The following ANK3 variants were observed in gnomAD, a reference collection of about 807,000 sequenced individuals.
The protein encoded by ANK3 is ankyrin 3, also known as ankyrin-3.
ANK3 carries 57 observed loss-of-function variants against 370.9 expected under a neutral mutation model. The ratio of observed to expected loss-of-function variants is 0.15; its 90% CI spans 0.12 to 0.19. The LOEUF (loss-of-function observed/expected upper bound fraction) is 0.19. ANK3 is among the 10% of genes least tolerant of loss of function. The pLI is 1.00. For synonymous variants in ANK3, 1,929 were observed against 1,946.3 expected, an observed-to-expected ratio of 0.99 and a Z score of 0.23; for missense variants, 4,439 against 5,302.1, an observed-to-expected ratio of 0.84 and a Z score of 5.06.
At chr10:60,718,729 A>T (rs989694750) in intron 1 of ANK3, among the ~76,000 whole-genome samples, 9 of 152,110 alleles carry the variant, frequency 5.9e-5, no homozygotes, top group African/African-American at 1.2e-4. Context: ...ACTTAAAAAA[A>T]TTTTTTTTAT....
chr10:60,449,084 T>C (rs539692464), intron 2 of ANK3, among the ~76,000 whole-genome samples: 1 of 152,174 alleles, frequency 6.6e-6, no homozygotes, highest in African/African-American at 2.4e-5. Flanking sequence ...CTTGGCCCTA[T>C]GCTAAAATAA....
intron 2 of ANK3, among the ~76,000 whole-genome samples, chr10:60,508,794 C>T (rs1209559268): frequency 6.6e-6 from 1 of 152,072 alleles, no homozygotes; most frequent in Non-Finnish European, 1.5e-5. Flanking sequence ...AGGTCCCTTC[C>T]CCCACCTACA....
chr10:60,376,375 C>T (rs371484168), intron 1 of ANK3, among the ~76,000 whole-genome samples: 3 of 152,294 alleles, frequency 2.0e-5, no homozygotes, highest in African/African-American at 7.2e-5. Context: ...TTTCCTGTGC[C>T]ACAACAGAAT....
chr10:60,103,791 C>T (rs560085082), intron 28 of ANK3, among the ~76,000 whole-genome samples: 1 of 152,232 alleles, frequency 6.6e-6, no homozygotes, highest in East Asian at 1.9e-4. Context: ...CAAAGTTTAT[C>T]TGGTCTTTAA....
At chr10:60,443,319 A>C (rs898362845) in intron 2 of ANK3, among the ~76,000 whole-genome samples, 1 of 151,958 alleles carries the variant, frequency 6.6e-6, no homozygotes, top group African/African-American at 2.4e-5. Flanking sequence ...GTGTGTATTA[A>C]GAGTAGGGCT....
intron 26 of ANK3, among the ~76,000 whole-genome samples, chr10:60,109,554 T>G (rs183266518): frequency 6.6e-6 from 1 of 152,312 alleles, no homozygotes; most frequent in South Asian, 2.1e-4. Context: ...ATTTTTACTA[T>G]GATGAAGCAG....
chr10:60,697,237 C>G (rs1249551565), intron 1 of ANK3, among the ~76,000 whole-genome samples: 2 of 149,532 alleles, frequency 1.3e-5, no homozygotes, highest in African/African-American at 4.9e-5. Flanking sequence ...CAAACCACTG[C>G]TCAAGGAAAT....
chr10:60,555,812 T>A (rs900829931), intron 2 of ANK3, among the ~76,000 whole-genome samples: 2 of 152,196 alleles, frequency 1.3e-5, no homozygotes, highest in Non-Finnish European at 2.9e-5. Context: ...GGGTCCCTGA[T>A]ATGTGGGAAT....
chr10:60,082,064 A>T, intron 35 of ANK3, 86 bp downstream of exon 35: 1 of 1,033,148 alleles, frequency 9.7e-7, no homozygotes, highest in Non-Finnish European at 1.4e-6. Context: ...TATGTTTCCC[A>T]CACTTTAGCC....
chr10:60,497,137 A>G (rs1231018816), intron 2 of ANK3, among the ~76,000 whole-genome samples: 2 of 152,032 alleles, frequency 1.3e-5, no homozygotes, highest in East Asian at 3.9e-4. Flanking sequence ...TGCTGTCACT[A>G]TAAAGAAATT....
At chr10:60,132,331 C>T (rs531759331) in intron 25 of ANK3, among the ~76,000 whole-genome samples, 1 of 152,162 alleles carries the variant, frequency 6.6e-6, no homozygotes, top group Admixed American at 6.5e-5. Flanking sequence ...GTGGGAGGGA[C>T]CTGGTGGGAG....
At chr10:60,614,999 G>A (rs981516800) in intron 2 of ANK3, among the ~76,000 whole-genome samples, 3 of 152,024 alleles carry the variant, frequency 2.0e-5, no homozygotes, top group Admixed American at 1.3e-4. Flanking sequence ...TGCTCCACTA[G>A]GCGAGAGTAT....
chr10:60,038,855 A>T (rs1219188464), intron 43 of ANK3, among the ~76,000 whole-genome samples: 1 of 151,922 alleles, frequency 6.6e-6, no homozygotes, highest in Non-Finnish European at 1.5e-5. Flanking sequence ...GCCTTTTCCC[A>T]CCTCAGGGTG....
intron 2 of ANK3, among the ~76,000 whole-genome samples, chr10:60,551,132 C>A (rs1258659079): frequency 1.3e-5 from 2 of 151,942 alleles, no homozygotes; most frequent in South Asian, 4.1e-4. Flanking sequence ...CTTGCTTTTT[C>A]AATATAACAG....
chr10:60,345,470 T>A (rs956235883), intron 1 of ANK3, among the ~76,000 whole-genome samples: 4 of 152,190 alleles, frequency 2.6e-5, no homozygotes, highest in African/African-American at 9.6e-5. Context: ...AATTTTCCCT[T>A]TCCTGTTTGA....
At chr10:60,339,817 C>T (rs1057392179) in intron 1 of ANK3, among the ~76,000 whole-genome samples, 2 of 152,148 alleles carry the variant, frequency 1.3e-5, no homozygotes, top group Non-Finnish European at 2.9e-5. Context: ...GCAGCAGTAG[C>T]GGTACTAACT....
chr10:60,596,736 G>T (rs2077993096), intron 2 of ANK3, among the ~76,000 whole-genome samples: 1 of 152,052 alleles, frequency 6.6e-6, no homozygotes, highest in Non-Finnish European at 1.5e-5. Flanking sequence ...TCATATCAGG[G>T]AATCCACTGA....
At chr10:60,528,103 T>C (rs954968775) in intron 2 of ANK3, among the ~76,000 whole-genome samples, 2 of 150,830 alleles carry the variant, frequency 1.3e-5, no homozygotes, top group Non-Finnish European at 3.0e-5. Context: ...TTTATAAAAG[T>C]CAATGTTTTT....
intron 1 of ANK3, among the ~76,000 whole-genome samples, chr10:60,335,986 T>C (rs746488678): frequency 6.6e-6 from 1 of 152,122 alleles, no homozygotes; most frequent in Non-Finnish European, 1.5e-5. Flanking sequence ...AAGTGCCCAC[T>C]ATAATTCAGA....
Sources: gnomAD v4.1 joint callset for allele counts (sites outside exome capture counted in the v4.1 genomes callset) on GRCh38, gnomAD v4.1.1 for gene constraint, MANE v1.5 for transcripts, NCBI Gene and HGNC (gene_info 2026-07-23, HGNC 2026-07-21) for gene names.